The following GPHN variants were observed in gnomAD, a reference collection of about 807,000 sequenced individuals.
The protein encoded by GPHN is gephyrin.
A neutral mutation model predicts 95.5 loss-of-function variants in GPHN; 17 were observed. The ratio of observed to expected loss-of-function variants is 0.18; its 90% CI spans 0.12 to 0.27. The LOEUF (loss-of-function observed/expected upper bound fraction) is 0.27, where lower values mean the gene tolerates loss of function less well. GPHN is among the 10% of genes least tolerant of loss of function. GPHN has a pLI of 1.00. For missense variants in GPHN, 660 were observed against 978.1 expected (o/e 0.67, Z 4.34); for synonymous variants, 320 against 322.5 (o/e 0.99, Z 0.08).
At chr14:67,252,233 A>G in the GPHN span, among the ~76,000 whole-genome samples, 3 of 152,156 alleles carry the variant, frequency 2.0e-5, no homozygotes, top group Non-Finnish European at 2.9e-5. Context: ...TCTGTCACCC[A>G]GGCTGGAGTG....
At chr14:67,579,724 G>T in the GPHN span, 1 of 1,612,542 alleles carries the variant, frequency 6.2e-7, no homozygotes, top group Non-Finnish European at 8.5e-7. Context: ...GCCTCAGGTG[G>T]TTGGTTTTGA....
intron 4 of GPHN, among the ~76,000 whole-genome samples, chr14:66,840,905 T>G (rs1338700488): frequency 6.7e-6 from 1 of 150,102 alleles, no homozygotes; most frequent in African/African-American, 2.5e-5. Flanking sequence ...AAATTGAGAT[T>G]GAGAGAGGAA....
chr14:66,530,953 A>ATTTTTTTTTT (rs569763873), intron 1 of GPHN, among the ~76,000 whole-genome samples: 3 of 121,156 alleles, frequency 2.5e-5, no homozygotes, highest in African/African-American at 9.8e-5. Flanking sequence ...TGTTTGTTAG[A>ATTTTTTTTTT]TTTTTTTTTT....
the GPHN span, chr14:67,321,296 A>G: frequency 6.3e-7 from 1 of 1,597,920 alleles, no homozygotes; most frequent in Non-Finnish European, 8.6e-7. Context: ...TTGAACTTAG[A>G]AGGAATGTCA....
At chr14:67,694,477 T>C in the GPHN span, among the ~76,000 whole-genome samples, 190 of 142,894 alleles carry the variant, frequency 1.3e-3, 2 homozygotes, top group Middle Eastern at 7.1e-3. Flanking sequence ...TATATATATA[T>C]ACACACACAC....
the GPHN span, among the ~76,000 whole-genome samples, chr14:67,215,509 T>TAAAAAA: frequency 4.0e-5 from 5 of 126,144 alleles, no homozygotes; most frequent in South Asian, 2.4e-4. Flanking sequence ...GTACAAAGAT[T>TAAAAAA]AAAAAACAAC....
At chr14:66,784,977 G>A (rs1490561772) in intron 3 of GPHN, among the ~76,000 whole-genome samples, 1 of 152,090 alleles carries the variant, frequency 6.6e-6, no homozygotes, top group Non-Finnish European at 1.5e-5. Flanking sequence ...CCATTCTAAA[G>A]AAACTAATTT....
chr14:66,577,023 A>G (rs1213093884), intron 1 of GPHN, among the ~76,000 whole-genome samples: 1 of 152,150 alleles, frequency 6.6e-6, no homozygotes, highest in East Asian at 1.9e-4. Context: ...CATTGATGTT[A>G]TAACTGAAAA....
At chr14:67,323,867 T>C in the GPHN span, 4 of 885,070 alleles carry the variant, frequency 4.5e-6, no homozygotes, top group Non-Finnish European at 7.1e-6. Flanking sequence ...GAAACAGTCC[T>C]GGTCTAATTT....
chr14:67,365,072 T>A, the GPHN span: 1 of 1,469,190 alleles, frequency 6.8e-7, no homozygotes, highest in African/African-American at 1.4e-5. Context: ...AAAAATACAT[T>A]TTTTGTAAAT....
At chr14:67,365,139 A>C in the GPHN span, 2 of 1,004,488 alleles carry the variant, frequency 2.0e-6, no homozygotes, top group Non-Finnish European at 1.4e-6. Context: ...TTTACATACA[A>C]AGTTGTTAGA....
intron 9 of GPHN, among the ~76,000 whole-genome samples, chr14:67,000,225 T>C (rs886823433): frequency 2.0e-5 from 3 of 151,762 alleles, no homozygotes; most frequent in African/African-American, 7.2e-5. Context: ...TTGGAGCTTT[T>C]GCAAACAGAA....
At chr14:66,989,246 A>T (rs1021069303) in intron 9 of GPHN, among the ~76,000 whole-genome samples, 9 of 151,970 alleles carry the variant, frequency 5.9e-5, no homozygotes, top group African/African-American at 2.2e-4. Context: ...ATTTTTTTTA[A>T]AAAAAAGATT....
chr14:67,120,460 A>G (rs1292548559), intron 16 of GPHN, among the ~76,000 whole-genome samples: 2 of 152,130 alleles, frequency 1.3e-5, no homozygotes, highest in Non-Finnish European at 2.9e-5. Flanking sequence ...TTTTTTCGTT[A>G]TGTCAGTTTT....
intron 6 of GPHN, among the ~76,000 whole-genome samples, chr14:66,919,421 A>T (rs1214759297): frequency 1.3e-5 from 2 of 152,232 alleles, no homozygotes; most frequent in Non-Finnish European, 2.9e-5. Context: ...ATCAACCATC[A>T]AATAAACATA....
the GPHN span, among the ~76,000 whole-genome samples, chr14:67,315,347 G>A: frequency 7.5e-6 from 1 of 132,878 alleles, no homozygotes. Flanking sequence ...CATGATCTCA[G>A]CTCACTGCAA....
chr14:67,033,544 A>G (rs908579494), intron 10 of GPHN, among the ~76,000 whole-genome samples: 4 of 152,048 alleles, frequency 2.6e-5, no homozygotes, highest in Non-Finnish European at 4.4e-5. Context: ...ACCCTAGGCA[A>G]CAGAGTGAGA....
chr14:66,795,080 A>T (rs2060108592), intron 3 of GPHN, among the ~76,000 whole-genome samples: 1 of 152,148 alleles, frequency 6.6e-6, no homozygotes, highest in Non-Finnish European at 1.5e-5. Flanking sequence ...CTGTCTCAAA[A>T]AAATAAATAA....
the GPHN span, among the ~76,000 whole-genome samples, chr14:67,324,724 A>G: frequency 1.3e-5 from 2 of 151,852 alleles, no homozygotes; most frequent in African/African-American, 4.8e-5. Flanking sequence ...GGCTGGGACT[A>G]TAGCCATGCA....
Sources: allele counts gnomAD v4.1 joint callset (sites outside exome capture counted in the v4.1 genomes callset), GRCh38; gene constraint gnomAD v4.1.1; transcripts MANE v1.5; gene names NCBI Gene and HGNC (gene_info 2026-07-23, HGNC 2026-07-21).